Variants in TLL1 observed in about 807,000 individuals in gnomAD.
TLL1 encodes tolloid like 1.
TLL1 carries 49 observed loss-of-function variants against 128.2 expected under a neutral mutation model. That is an observed-to-expected ratio of 0.38 (90% confidence interval 0.30 to 0.48). The LOEUF (loss-of-function observed/expected upper bound fraction) is 0.48, where lower values mean the gene tolerates loss of function less well. Ranked by LOEUF, TLL1 falls within the 20% of genes least tolerant of loss-of-function variation. The pLI, the probability that TLL1 is intolerant of heterozygous loss-of-function variation, is 0.96. For synonymous variants in TLL1, 454 were observed against 418.8 expected (o/e 1.08, Z -1.03); for missense variants, 1,123 against 1,242.0 (o/e 0.90, Z 1.44).
chr4:166,092,214 G>T (rs1252876205), intron 19 of TLL1, among the ~76,000 whole-genome samples: 2 of 152,012 alleles, frequency 1.3e-5, no homozygotes, highest in African/African-American at 4.8e-5. Context: ...ATTTTGTCAT[G>T]AATTTCTGCA....
intron 7 of TLL1, among the ~76,000 whole-genome samples, chr4:166,009,811 T>C (rs1737602899): frequency 6.6e-6 from 1 of 151,422 alleles, no homozygotes; most frequent in Admixed American, 6.6e-5. Context: ...AAATTTCTTT[T>C]TTTTTCAATT....
rs937542296 is a variant in TLL1, at chr4:165,960,613, C to A, written c.170-28768C>A. ...AGCAACATATCAAAAAGTTAATTCACCACAATCAAATAGGTTTTATTCCTG... is the reference window on the plus strand; with the variant it reads ...AGCAACATATCAAAAAGTTAATTCAACACAATCAAATAGGTTTTATTCCTG... On this transcript the variant is annotated intron_variant, in intron 1 of 20. Transcript: ENST00000061240. Among the ~76,000 whole-genome samples the A allele has an allele frequency of 6.6e-5, 10 of 152,264 alleles. No individual in the cohort carries two copies. In the East Asian group the frequency reaches 1.5e-3, roughly 24 times the overall value.
chr4:165,878,326 C>G (rs969555582), intron 1 of TLL1, among the ~76,000 whole-genome samples: 1 of 151,922 alleles, frequency 6.6e-6, no homozygotes, highest in Non-Finnish European at 1.5e-5. Context: ...TTCTCCTAAT[C>G]TGTTTCTTCT....
At position 166,101,088 on chromosome 4, in the gene TLL1, A is replaced by G; in HGVS notation, c.*212A>G. ...ATATTTGAACTCCATGCTTGATGGTATTAATAAAGCTGGTGAAAGGGCATC... is the reference window on the plus strand; with the variant it reads ...ATATTTGAACTCCATGCTTGATGGTGTTAATAAAGCTGGTGAAAGGGCATC... On this transcript the variant is annotated 3_prime_UTR_variant, in exon 21 of 21. Transcript: ENST00000061240. 1.8e-6 allele frequency: 1 copy of G among 562,294 alleles called. No individual in the cohort carries two copies. The highest frequency in any genetic ancestry group is 3.1e-6 in the Non-Finnish European group (1 of 324,706). 34.8% of individuals were successfully genotyped at this position (562,294 alleles called of 1,614,324 possible).
At chr4:166,069,907 G>A (rs1740733586) in intron 16 of TLL1, among the ~76,000 whole-genome samples, 1 of 151,558 alleles carries the variant, frequency 6.6e-6, no homozygotes, top group Admixed American at 6.6e-5. Context: ...ACTTATTCCA[G>A]GGTATATTTA....
chr4:166,000,613 T>C (rs187035230), intron 5 of TLL1, among the ~76,000 whole-genome samples: 2 of 152,312 alleles, frequency 1.3e-5, no homozygotes, highest in African/African-American at 4.8e-5. Flanking sequence ...AATGACTCAA[T>C]AGGGGTAATT....
chr4:165,943,291 T>G (rs1173283914), intron 1 of TLL1, among the ~76,000 whole-genome samples: 3 of 151,998 alleles, frequency 2.0e-5, no homozygotes, highest in Admixed American at 6.6e-5. Context: ...TTCTTAAGAG[T>G]CATCTCCACG....
intron 1 of TLL1, among the ~76,000 whole-genome samples, chr4:165,981,092 T>TTATG (rs1483094106): frequency 1.3e-5 from 2 of 152,042 alleles, no homozygotes; most frequent in African/African-American, 4.8e-5. Context: ...ACCAATATAA[T>TTATG]TATCTGAAAC....
intron 12 of TLL1, among the ~76,000 whole-genome samples, chr4:166,047,172 T>C (rs1739492554): frequency 1.3e-5 from 2 of 150,662 alleles, no homozygotes; most frequent in African/African-American, 4.9e-5. Context: ...TTATTATTCT[T>C]TTTTTTTTGA....
chr4:165,913,569 C>A (rs546487089), intron 1 of TLL1, among the ~76,000 whole-genome samples: 1 of 152,186 alleles, frequency 6.6e-6, no homozygotes, highest in Non-Finnish European at 1.5e-5. Flanking sequence ...TATCACTGAG[C>A]CTTTCCATTC....
At chr4:166,049,543 T>A (rs1739616919) in intron 12 of TLL1, among the ~76,000 whole-genome samples, 1 of 151,978 alleles carries the variant, frequency 6.6e-6, no homozygotes, top group African/African-American at 2.4e-5. Context: ...AAGAAAAAAA[T>A]GAAGTGGCAG....
At chr4:166,083,844 A>T (rs2111148632) in intron 18 of TLL1, among the ~76,000 whole-genome samples, 1 of 152,312 alleles carries the variant, frequency 6.6e-6, no homozygotes, top group African/African-American at 2.4e-5. Flanking sequence ...TGCTGCAGTG[A>T]ACATGGGAGC....
intron 12 of TLL1, 34 bp from the exon 13 acceptor site, chr4:166,055,042 A>C (rs759179372): frequency 3.2e-6 from 5 of 1,575,280 alleles, no homozygotes; most frequent in Admixed American, 1.7e-5. Context: ...TTTATCTATA[A>C]ACATATATTT....
At chr4:166,079,392 A>C (rs1741185084) in intron 18 of TLL1, among the ~76,000 whole-genome samples, 1 of 152,088 alleles carries the variant, frequency 6.6e-6, no homozygotes, top group African/African-American at 2.4e-5. Flanking sequence ...AGCACTTTTG[A>C]AAGCTGTTTT....
At chr4:166,071,770 T>C (rs996119386) in intron 16 of TLL1, among the ~76,000 whole-genome samples, 5 of 152,060 alleles carry the variant, frequency 3.3e-5, no homozygotes, top group Non-Finnish European at 5.9e-5. Flanking sequence ...AAATAGGAAA[T>C]CTATAATATA....
chr4:166,009,432 C>A (rs11947575), intron 7 of TLL1, among the ~76,000 whole-genome samples: 2,034 of 151,456 alleles, frequency 0.013, 43 homozygotes, highest in African/African-American at 0.047. Flanking sequence ...AAAGTTCTAA[C>A]TGTATGTTTC....
intron 1 of TLL1, among the ~76,000 whole-genome samples, chr4:165,884,048 A>C (rs1198610104): frequency 6.6e-6 from 1 of 152,210 alleles, no homozygotes; most frequent in Admixed American, 6.5e-5. Context: ...CACAGAGCTA[A>C]GTTTGAGCAC....
At chr4:166,097,585 C>T (rs1389134086) in intron 19 of TLL1, among the ~76,000 whole-genome samples, 1 of 152,120 alleles carries the variant, frequency 6.6e-6, no homozygotes, top group Non-Finnish European at 1.5e-5. Context: ...CTTGGGCACA[C>T]ATGAATTCAG....
chr4:165,945,361 G>A (rs1041674929), intron 1 of TLL1, among the ~76,000 whole-genome samples: 5 of 152,118 alleles, frequency 3.3e-5, no homozygotes, highest in African/African-American at 7.2e-5. Context: ...GGACACTTGG[G>A]ATCAGGGGAT....
Sources: gnomAD v4.1 joint callset for allele counts (sites outside exome capture counted in the v4.1 genomes callset) on GRCh38, gnomAD v4.1.1 for gene constraint, MANE v1.5 for transcripts, NCBI Gene and HGNC (gene_info 2026-07-23, HGNC 2026-07-21) for gene names.